The following ADGRB3 variants were observed in gnomAD, a reference collection of about 807,000 sequenced individuals.
ADGRB3 encodes the protein brain-specific angiogenesis inhibitor 3.
In ADGRB3, 37 loss-of-function variants were observed where a neutral mutation model predicts 193.4. The ratio of observed to expected loss-of-function variants is 0.19; its 90% CI spans 0.15 to 0.25. The LOEUF is 0.25. Ranked by LOEUF, ADGRB3 falls within the 10% of genes least tolerant of loss-of-function variation. The pLI, the probability that ADGRB3 is intolerant of heterozygous loss-of-function variation, is 1.00. For synonymous variants in ADGRB3, 690 were observed against 644.2 expected (o/e 1.07, Z -1.08); for missense variants, 1,637 against 1,852.9 (o/e 0.88, Z 2.14).
intron 3 of ADGRB3, among the ~76,000 whole-genome samples, chr6:68,882,136 C>T (rs1439550960): frequency 6.6e-6 from 1 of 152,260 alleles, no homozygotes; most frequent in Middle Eastern, 3.4e-3. Context: ...TGAATATTCT[C>T]TAATGCTTTT....
At chr6:68,680,065 G>A (rs1233934866) in intron 3 of ADGRB3, among the ~76,000 whole-genome samples, 1 of 152,138 alleles carries the variant, frequency 6.6e-6, no homozygotes, top group Non-Finnish European at 1.5e-5. Flanking sequence ...GACATAGTGA[G>A]AAGGTGTTGT....
At chr6:68,931,917 G>A (rs1294394163) in intron 4 of ADGRB3, among the ~76,000 whole-genome samples, 3 of 152,050 alleles carry the variant, frequency 2.0e-5, no homozygotes, top group Non-Finnish European at 4.4e-5. Context: ...TGCTTATCTG[G>A]ATCCCTTTTT....
chr6:68,804,712 T>A (rs958795729), intron 3 of ADGRB3, among the ~76,000 whole-genome samples: 1 of 152,140 alleles, frequency 6.6e-6, no homozygotes, highest in Admixed American at 6.5e-5. Flanking sequence ...GAATTTGCAC[T>A]TATGAGGAGA....
intron 3 of ADGRB3, among the ~76,000 whole-genome samples, chr6:68,829,091 CTTTTTTTTT>C (rs70987436): frequency 1.1e-5 from 1 of 94,656 alleles, no homozygotes; most frequent in Non-Finnish European, 2.1e-5. Flanking sequence ...GTTTAAGTAA[CTTTTTTTTT>C]TTTTTTTTTT....
chr6:68,863,383 T>C (rs1271390516), intron 3 of ADGRB3, among the ~76,000 whole-genome samples: 1 of 152,006 alleles, frequency 6.6e-6, no homozygotes, highest in Non-Finnish European at 1.5e-5. Context: ...TTTAAGTTAA[T>C]TGACAATACT....
At chr6:68,897,984 A>T (rs904856002) in intron 3 of ADGRB3, among the ~76,000 whole-genome samples, 2 of 147,634 alleles carry the variant, frequency 1.4e-5, no homozygotes, top group Non-Finnish European at 3.0e-5. Context: ...ATAATATTAC[A>T]TATTATATAT....
At chr6:69,077,369 CAT>C (rs35900696) in intron 17 of ADGRB3, among the ~76,000 whole-genome samples, 16,420 of 151,918 alleles carry the variant, frequency 0.11, 1,033 homozygotes, top group Middle Eastern at 0.15. Context: ...GCCCAAGAAA[CAT>C]GTGCTATCTT....
intron 20 of ADGRB3, among the ~76,000 whole-genome samples, chr6:69,254,531 C>A (rs943795845): frequency 2.0e-5 from 3 of 151,994 alleles, no homozygotes; most frequent in African/African-American, 7.2e-5. Flanking sequence ...GCATAACTAT[C>A]TTTATGTTTT....
intron 3 of ADGRB3, among the ~76,000 whole-genome samples, chr6:68,846,389 A>T (rs1768274957): frequency 6.6e-6 from 1 of 152,228 alleles, no homozygotes; most frequent in Non-Finnish European, 1.5e-5. Flanking sequence ...ACTCCCCAAG[A>T]TTATGGGGAA....
intron 11 of ADGRB3, among the ~76,000 whole-genome samples, chr6:69,003,005 A>G (rs1769628679): frequency 6.6e-6 from 1 of 152,322 alleles, no homozygotes; most frequent in East Asian, 1.9e-4. Flanking sequence ...AACACTTGTT[A>G]GCTCTGTGAT....
At chr6:69,270,670 C>T (rs62408273) in intron 20 of ADGRB3, among the ~76,000 whole-genome samples, 7,112 of 152,154 alleles carry the variant, frequency 0.047, 225 homozygotes, top group Non-Finnish European at 0.072. Context: ...CCTTAAGTAA[C>T]GATTTGTACC....
intron 10 of ADGRB3, among the ~76,000 whole-genome samples, chr6:68,986,954 T>C (rs1769093735): frequency 6.6e-6 from 1 of 152,116 alleles, no homozygotes; most frequent in Non-Finnish European, 1.5e-5. Context: ...CTTTAAACCA[T>C]GACCCTCTCC....
chr6:69,307,176 T>A (rs554199450), intron 20 of ADGRB3, among the ~76,000 whole-genome samples: 13 of 151,458 alleles, frequency 8.6e-5, no homozygotes, highest in Non-Finnish European at 1.6e-4. Context: ...CAGTAACTGC[T>A]CCTTTTCGTT....
At chr6:68,824,706 T>G (rs1169130431) in intron 3 of ADGRB3, among the ~76,000 whole-genome samples, 1 of 149,940 alleles carries the variant, frequency 6.7e-6, no homozygotes, top group Non-Finnish European at 1.5e-5. Context: ...AATATTTGTA[T>G]CTGTTCTTCT....
rs1767847256 is a variant in ADGRB3, at chr6:69,297,370, C to CTCTCTCTCTCTT, written c.2815-27491_2815-27490insTTCTCTCTCTCT. 7.1e-3 allele frequency among the ~76,000 whole-genome samples: 732 copies of CTCTCTCTCTCTT among 103,596 alleles called. 2 individuals carry two copies. Among genetic ancestry groups the CTCTCTCTCTCTT allele is most frequent in the African/African-American group, 0.019 (505 of 26,056 alleles). The allele number at this position is 103,596 out of a possible 152,430, so 68.0% of individuals were successfully genotyped here. On this transcript the variant is annotated intron_variant, in intron 20 of 31. Coordinates refer to ENST00000370598, the MANE Select transcript of ADGRB3 (RefSeq NM_001704.3). ...TCTCTCTCTCTCTCTCTCTCTCTTT[C>CTCTCTCTCTCTT]TCTCTCTCTCTCTCTCTCTCTATCT...
chr6:68,907,140 C>A (rs549852728), intron 3 of ADGRB3, among the ~76,000 whole-genome samples: 1 of 151,938 alleles, frequency 6.6e-6, no homozygotes, highest in Non-Finnish European at 1.5e-5. Context: ...CTCCCAATAG[C>A]TTTAGCATAT....
chr6:68,709,560 A>G (rs1375757615), intron 3 of ADGRB3, among the ~76,000 whole-genome samples: 1 of 152,114 alleles, frequency 6.6e-6, no homozygotes, highest in Non-Finnish European at 1.5e-5. Flanking sequence ...AGAAACTTTC[A>G]GTGTTTAAAC....
intron 17 of ADGRB3, among the ~76,000 whole-genome samples, chr6:69,170,513 A>G (rs1314725691): frequency 6.6e-6 from 1 of 152,176 alleles, no homozygotes; most frequent in Non-Finnish European, 1.5e-5. Context: ...TCATCCACAG[A>G]TGCTTTGCCA....
chr6:69,044,924 C>A (rs1183649733), intron 13 of ADGRB3, among the ~76,000 whole-genome samples: 1 of 152,128 alleles, frequency 6.6e-6, no homozygotes, highest in Non-Finnish European at 1.5e-5. Context: ...TCTAAACACC[C>A]ACAATGACTG....
Sources: allele counts gnomAD v4.1 joint callset (sites outside exome capture counted in the v4.1 genomes callset), GRCh38; gene constraint gnomAD v4.1.1; transcripts MANE v1.5; gene names NCBI Gene and HGNC (gene_info 2026-07-23, HGNC 2026-07-21).